The following TRMT44 variants were observed in gnomAD, a reference collection of about 807,000 sequenced individuals.
TRMT44 encodes the protein tRNA methyltransferase 44 homolog.
TRMT44 carries 78 observed loss-of-function variants against 77.3 expected under a neutral mutation model. That is an observed-to-expected ratio of 1.01 (90% CI 0.84 to 1.22). The LOEUF is 1.22. Ranked by LOEUF, TRMT44 falls within the 50% of genes most tolerant of loss-of-function variation. The probability of loss-of-function intolerance (pLI) is 0.00; values close to 1 mark genes in which losing one functional copy is unlikely to be tolerated. For synonymous variants in TRMT44, 391 were observed against 383.3 expected (o/e 1.02, Z -0.23); for missense variants, 1,090 against 964.4 (o/e 1.13, Z -1.73).
chr4:8,498,071 G>A (rs773457233), downstream of TRMT44, among the ~76,000 whole-genome samples: 9 of 152,200 alleles, frequency 5.9e-5, no homozygotes, highest in Admixed American at 2.0e-4. This position sits in a 1 kb window ranked among gnomAD's most constrained non-coding sequence, Gnocchi z 4.3. Context: ...AGGACTCAGT[G>A]GAAGACGTCA....
intron 10 of TRMT44, 66 bp from the exon 11 acceptor site, chr4:8,475,706 G>A (rs973729881): frequency 6.6e-7 from 1 of 1,505,836 alleles, no homozygotes; most frequent in Non-Finnish European, 9.1e-7. Context: ...GAGCTAAAGA[G>A]AGGCTGGTGA....
At chr4:8,459,704 A>G (rs926440333) in intron 6 of TRMT44, among the ~76,000 whole-genome samples, 2 of 152,224 alleles carry the variant, frequency 1.3e-5, no homozygotes, top group African/African-American at 4.8e-5. Flanking sequence ...CAAGAGATGC[A>G]TCCAATGGGA....
At chr4:8,514,878 A>G in the TRMT44 span, among the ~76,000 whole-genome samples, 11,501 of 152,316 alleles carry the variant, frequency 0.076, 469 homozygotes, top group African/African-American at 0.1. Flanking sequence ...GCACACAGGC[A>G]TGTTGGGAGG....
downstream of TRMT44, among the ~76,000 whole-genome samples, chr4:8,480,685 T>C (rs1727587312): frequency 6.6e-6 from 1 of 152,200 alleles, no homozygotes; most frequent in African/African-American, 2.4e-5. Context: ...AGACAGCCAG[T>C]GTAACAACTG....
intron 2 of TRMT44, among the ~76,000 whole-genome samples, chr4:8,492,977 G>A (rs1356699660): frequency 2.0e-5 from 3 of 152,154 alleles, no homozygotes; most frequent in African/African-American, 4.8e-5. Flanking sequence ...GCTGTGTCAC[G>A]GGCACACATC....
downstream of TRMT44, among the ~76,000 whole-genome samples, chr4:8,479,914 G>T (rs937079644): frequency 6.6e-6 from 1 of 151,858 alleles, no homozygotes; most frequent in Non-Finnish European, 1.5e-5. Flanking sequence ...GTCTTGTTGT[G>T]TCACCCAGGT....
rs1397114788 is a variant in TRMT44, at chr4:8,440,922, GCAAA to G, written c.106_109del (p.Lys36GlyfsTer85). ...AGTGTGGCTGGAGAGGCCGCAGGTG[GCAAA>G]CAAACGGCTTTGCGGCGCCCGCCTG... is the stretch of plus-strand genomic sequence containing the variant. On this transcript the variant is annotated frameshift_variant, in exon 1 of 11. Coordinates refer to ENST00000389737, the MANE Select transcript of TRMT44 (RefSeq NM_152544.3). LOFTEE classifies it high-confidence loss of function. The G allele has an allele frequency of 6.5e-7, 1 of 1,530,356 alleles. No individual in the cohort carries two copies. The highest frequency in any genetic ancestry group is 1.4e-5 in the African/African-American group (1 of 72,372). 94.8% of individuals were successfully genotyped at this position (1,530,356 alleles called of 1,614,324 possible).
In TRMT44 at chr4:8,469,581, G is replaced by A. The variant is rs547194891; in HGVS notation, c.1927+1235G>A. Among the ~76,000 whole-genome samples the A allele has an allele frequency of 1.2e-4, 18 of 152,366 alleles. 1 individual carries two copies. In the South Asian group the frequency reaches 3.7e-3, roughly 32 times the overall value. On this transcript the variant is annotated intron_variant, in intron 9 of 10. Transcript: ENST00000389737. Reference sequence around the variant, plus strand: ...GCCTGGGATGGACGGCTTTCGGTGGGTGAGGAGGAAGGAGGAACAGACCTG... The same window carrying A: ...GCCTGGGATGGACGGCTTTCGGTGGATGAGGAGGAAGGAGGAACAGACCTG...
In TRMT44 at chr4:8,468,326, T is replaced by C. The variant is rs1726748585; in HGVS notation, c.1907T>C (p.Leu636Ser). The C allele has an allele frequency of 7.4e-6, 12 of 1,614,128 alleles. No individual in the cohort carries two copies. The East Asian group carries it at 2.7e-4, about 36-fold the overall frequency. Residue 636 changes from leucine to serine, a missense_variant, in exon 9 of 11, where the codon TTG becomes TCG. Physicochemically the swap from Leu to Ser is moderately radical, Grantham distance 145. Coordinates refer to ENST00000389737, the MANE Select transcript of TRMT44 (RefSeq NM_152544.3). ...LNTRSSRNGS[L>S]KTWNGGESLS... ...ACAAGAAGTTCTCGAAATGGGAGTT[T>C]GAAGACCTGGAATGGGGGAGGTAAG... is the stretch of plus-strand genomic sequence containing the variant.
chr4:8,474,115 G>T (rs575197834), intron 10 of TRMT44, among the ~76,000 whole-genome samples: 7 of 152,056 alleles, frequency 4.6e-5, no homozygotes, highest in African/African-American at 1.7e-4. Flanking sequence ...AGGGGAATCT[G>T]TACTCAGCCT....
chr4:8,500,836 T>A, the TRMT44 span, among the ~76,000 whole-genome samples: 1 of 152,186 alleles, frequency 6.6e-6, no homozygotes, highest in Non-Finnish European at 1.5e-5. Context: ...TTATTTTGTA[T>A]TTTTAGTAGA....
intron 2 of TRMT44, among the ~76,000 whole-genome samples, chr4:8,448,104 C>G (rs1353469486): frequency 1.3e-5 from 2 of 152,150 alleles, no homozygotes; most frequent in African/African-American, 4.8e-5. Flanking sequence ...GCTGCTGCCC[C>G]CACCTTCCCA....
intron 6 of TRMT44, among the ~76,000 whole-genome samples, chr4:8,458,442 T>G (rs148908456): frequency 2.1e-3 from 322 of 151,650 alleles, no homozygotes; most frequent in African/African-American, 7.4e-3. Context: ...ATTTTCTCTT[T>G]CTTATGATTT....
At chr4:8,495,427 T>A (rs1728123137), downstream of TRMT44, among the ~76,000 whole-genome samples, 1 of 152,148 alleles carries the variant, frequency 6.6e-6, no homozygotes. Flanking sequence ...CGGGTTTTAG[T>A]CTGGGGGGCA....
intron 6 of TRMT44, among the ~76,000 whole-genome samples, chr4:8,457,087 G>A (rs1265006037): frequency 2.1e-5 from 3 of 144,952 alleles, no homozygotes; most frequent in African/African-American, 7.7e-5. Context: ...GAGAAAGGAT[G>A]TCTGCCTGAA....
intron 10 of TRMT44, 99 bp from the exon 11 acceptor site, chr4:8,475,673 G>C (rs375826019): frequency 8.1e-6 from 9 of 1,111,616 alleles, no homozygotes; most frequent in East Asian, 4.8e-5. Flanking sequence ...CCTGACCCTG[G>C]ATTGGCACCT....
downstream of TRMT44, among the ~76,000 whole-genome samples, chr4:8,481,359 G>A (rs1407709317): frequency 3.3e-5 from 5 of 152,136 alleles, no homozygotes; most frequent in Admixed American, 6.5e-5. Flanking sequence ...GCTGTGCCCC[G>A]ACCACCTTGG....
intron 5 of TRMT44, 128 bp downstream of exon 5, chr4:8,453,117 G>A (rs536948614): frequency 3.6e-4 from 192 of 528,806 alleles, no homozygotes; most frequent in Admixed American, 1.0e-3. Flanking sequence ...ATCAGAGTAG[G>A]TAGAGACTTA....
intron 6 of TRMT44, 103 bp downstream of exon 6, chr4:8,454,916 T>A: frequency 9.7e-7 from 1 of 1,031,172 alleles, no homozygotes; most frequent in Non-Finnish European, 1.5e-6. Context: ...GCAGACATGC[T>A]GATAGTAAAC....
Sources: gnomAD v4.1 joint callset for allele counts (sites outside exome capture counted in the v4.1 genomes callset) on GRCh38, gnomAD v4.1.1 for gene constraint, Gnocchi (gnomAD v3.1) non-coding constraint, MANE v1.5 for transcripts, NCBI Gene and HGNC (gene_info 2026-07-23, HGNC 2026-07-21) for gene names.